KLHL17: variants seen among roughly 807,000 people sequenced by gnomAD.
The protein encoded by KLHL17 is kelch-like protein 17.
In KLHL17, 71 loss-of-function variants were observed where a neutral mutation model predicts 64.6. The observed-to-expected ratio is 1.10, with a 90% CI of 0.91 to 1.34. The LOEUF is 1.34. Ranked by LOEUF, KLHL17 falls within the 40% of genes most tolerant of loss-of-function variation. The probability of loss-of-function intolerance (pLI) is 0.00; values close to 1 mark genes in which losing one functional copy is unlikely to be tolerated. For synonymous variants in KLHL17, 612 were observed against 405.4 expected, an observed-to-expected ratio of 1.51 and a Z score of -6.12; for missense variants, 1,140 against 935.0, an observed-to-expected ratio of 1.22 and a Z score of -2.86.
intron 1 of KLHL17, 65 bp downstream of exon 1, chr1:960,865 T>G: frequency 1.1e-6 from 1 of 951,858 alleles, no homozygotes; most frequent in Non-Finnish European, 1.2e-6. Context: ...CGCCCTCGCG[T>G]CCGCTCGCAG....
Position 961,874 on chromosome 1 carries a change from G to T in KLHL17, c.538G>T (p.Ala180Ser). The change falls in exon 4 of 12, where the codon GCT becomes TCT. Residue 180 changes from alanine (A) to serine (S), a missense_variant. By Grantham distance (99) the Ala-to-Ser change is moderately conservative. Coordinates refer to ENST00000338591, the MANE Select transcript of KLHL17 (RefSeq NM_198317.3). The stretch of plus-strand genomic sequence containing the variant: ...CCTGCAGCTGAATGGCGTCCGAGAC[G>T]CTTGCTGCAAGTTTCTACTGAGTCA... ...SLLQLNGVRD[A>S]CCKFLLSQLD... 1.9e-6 allele frequency: 3 copies of T among 1,612,288 alleles called. No individual in the cohort carries two copies. The highest frequency in any genetic ancestry group is 2.5e-6 in the Non-Finnish European group (3 of 1,180,004).
At position 965,120 on chromosome 1, in the gene KLHL17, G is replaced by A. The variant is rs1485826914; in HGVS notation, c.1858G>A (p.Ala620Thr). The A allele has an allele frequency of 1.9e-6, 3 of 1,612,624 alleles. No individual in the cohort carries two copies. Among genetic ancestry groups the A allele is most frequent in the Non-Finnish European group, 2.5e-6 (3 of 1,179,870 alleles). Residue 620 changes from alanine to threonine, a missense_variant, in exon 12 of 12, where the codon GCG becomes ACG. Transcript: ENST00000338591. ...MFTRRSSVGVAVLELLNFPPP... is the reference protein window; with the variant it reads ...MFTRRSSVGVTVLELLNFPPP... ...CACCCGGCGCAGCAGTGTGGGTGTG[G>A]CGGTGCTGGAGCTGCTCAATTTCCC...
Position 963,318 on chromosome 1 carries a change from A to G in KLHL17, c.1188-19A>G. On this transcript the variant is annotated intron_variant, in intron 7 of 11. Coordinates refer to ENST00000338591, the MANE Select transcript of KLHL17 (RefSeq NM_198317.3). ...GCCCGCCAGGCCAGTCTTGACCTGC[A>G]GTGGCTTAATTCCGCTAGCTATGAT... 1.2e-6 allele frequency: 2 copies of G among 1,603,072 alleles called. No homozygotes were observed. Among genetic ancestry groups the G allele is most frequent in the Non-Finnish European group, 1.7e-6 (2 of 1,172,258 alleles).
chr1:961,570 C>A lies in KLHL17; in HGVS notation c.367+18C>A, dbSNP rs74045023. ...GTTCACAAGCAAGTACCCGCCTGGGCGGCGCTGGGGGCTCCGTGGGTCCCT... is the reference window on the plus strand; with the variant it reads ...GTTCACAAGCAAGTACCCGCCTGGGAGGCGCTGGGGGCTCCGTGGGTCCCT... On this transcript the variant is annotated intron_variant, in intron 2 of 11. Coordinates refer to ENST00000338591, the MANE Select transcript of KLHL17 (RefSeq NM_198317.3). 7,848 of 1,612,676 alleles carry A rather than the reference C, an allele frequency of 4.9e-3. 203 individuals carry two copies. In the African/African-American group the frequency reaches 0.07, roughly 14 times the overall value.
At position 963,928 on chromosome 1, in the gene KLHL17, G is replaced by A. The variant is rs376669827; in HGVS notation, c.1364G>A (p.Arg455His). 5.6e-6 allele frequency: 9 copies of A among 1,612,174 alleles called. No homozygotes were observed. Among genetic ancestry groups the A allele is most frequent in the East Asian group, 4.5e-5 (2 of 44,882 alleles). The part of the protein sequence containing the change: ...DGASCLNSAE[R>H]YDPLTGTWTS... ...GGTCCTGGTGCCCACAGTGCTGAAC[G>A]CTACGACCCCCTGACCGGAACGTGG... is the stretch of plus-strand genomic sequence containing the variant. The change falls in exon 9 of 12, where the codon CGC (arginine) becomes CAC (histidine). Residue 455 changes from arginine to histidine, a missense_variant. Physicochemically the swap from Arg to His is conservative, Grantham distance 29 (BLOSUM62 0). Coordinates refer to ENST00000338591, the MANE Select transcript of KLHL17 (RefSeq NM_198317.3).
rs756419152 is a variant in KLHL17 at position 961,489 on chromosome 1, G to A, written c.304G>A (p.Glu102Lys). The A allele has an allele frequency of 2.5e-6, 4 of 1,612,388 alleles. No individual in the cohort carries two copies. Among genetic ancestry groups the A allele is most frequent in the Non-Finnish European group, 3.4e-6 (4 of 1,179,940 alleles). ...CDIVLHVAAK[E>K]IRAHKVVLAS... The stretch of plus-strand genomic sequence containing the variant: ...CATCGTCCTGCACGTGGCTGCCAAG[G>A]AGATCCGTGCGCACAAAGTGGTGCT... The change falls in exon 2 of 12, where the codon GAG becomes AAG. Residue 102 changes from glutamate to lysine, a missense_variant. Coordinates refer to ENST00000338591, the MANE Select transcript of KLHL17 (RefSeq NM_198317.3).
intron 10 of KLHL17, 45 bp downstream of exon 10, chr1:964,225 G>A (rs764768593): frequency 6.2e-7 from 1 of 1,607,834 alleles, no homozygotes. Flanking sequence ...GTGCGCCGCG[G>A]GGCCCTCCTC....
rs1292921918 is a variant in KLHL17, at chr1:964,426, G to A, written c.1596G>A (p.Leu532=). Residue 532 remains leucine (L), a synonymous_variant, in exon 11 of 12, where the codon CTG becomes CTA. Transcript: ENST00000338591. ...SAGVAVLEGA[L]YVAGGNDGTS... ...GCGTGGCCGTGCTGGAGGGTGCCCT[G>A]TACGTGGCAGGGGGCAACGACGGCA... 3 of 1,550,946 alleles carry A rather than the reference G, an allele frequency of 1.9e-6. No individual in the cohort carries two copies. Among genetic ancestry groups the A allele is most frequent in the Non-Finnish European group, 2.6e-6 (3 of 1,148,678 alleles).
At chr1:963,605 G>A (rs1642758668) in intron 8 of KLHL17, 101 bp downstream of exon 8, 7 of 1,356,874 alleles carry the variant, frequency 5.2e-6, no homozygotes, top group Middle Eastern at 2.4e-4. Flanking sequence ...TGTTAAAGGA[G>A]GTGATCCGCG....
Position 961,815 on chromosome 1 carries a change from G to A in KLHL17, c.490-11G>A, listed in dbSNP as rs1484915627. 16 of 1,609,980 alleles carry A rather than the reference G, an allele frequency of 9.9e-6. No individual in the cohort carries two copies. The highest frequency in any genetic ancestry group is 2.7e-5 in the African/African-American group (2 of 74,912). On this transcript the variant is annotated splice_polypyrimidine_tract_variant and intron_variant, in intron 3 of 11. Coordinates refer to ENST00000338591, the MANE Select transcript of KLHL17 (RefSeq NM_198317.3). ...CTGTGCCTCCCTCACCTGCCTCTCG[G>A]TGCCCCGTAGACTCTGCTCCCAGCC... is the stretch of plus-strand genomic sequence containing the variant.
Position 965,135 on chromosome 1 carries a change from C to T in KLHL17, c.1873C>T (p.Leu625Phe). The T allele has an allele frequency of 6.2e-7, 1 of 1,612,600 alleles. No homozygotes were observed. Among genetic ancestry groups the T allele is most frequent in the Non-Finnish European group, 8.5e-7 (1 of 1,179,872 alleles). ...TGTGGGTGTGGCGGTGCTGGAGCTG[C>T]TCAATTTCCCGCCGCCATCCTCCCC... Reference protein sequence around the residue: ...SSVGVAVLELLNFPPPSSPTL... With the variant: ...SSVGVAVLELFNFPPPSSPTL... Residue 625 changes from leucine to phenylalanine, a missense_variant, in exon 12 of 12, where the codon CTC (leucine) becomes TTC (phenylalanine). By Grantham distance (22) the Leu-to-Phe change is conservative (BLOSUM62 0). Transcript: ENST00000338591.
At position 964,422 on chromosome 1, in the gene KLHL17, C is replaced by G; in HGVS notation, c.1592C>G (p.Ala531Gly). Residue 531 changes from alanine to glycine, a missense_variant, in exon 11 of 12, where the codon GCC (alanine) becomes GGC (glycine). Transcript: ENST00000338591. ...GCGGGCGTGGCCGTGCTGGAGGGTG[C>G]CCTGTACGTGGCAGGGGGCAACGAC... is the stretch of plus-strand genomic sequence containing the variant. ...SSAGVAVLEG[A>G]LYVAGGNDGT... 1 of 1,552,172 alleles carries G rather than the reference C, an allele frequency of 6.4e-7. No individual in the cohort carries two copies. The highest frequency in any genetic ancestry group is 8.7e-7 in the Non-Finnish European group (1 of 1,149,130).
Position 960,615 on chromosome 1 carries a change from G to A in KLHL17, c.-79G>A, listed in dbSNP as rs1569968432. ...GAGCGACACAGAGCGGGCCGCCACC[G>A]CCGAGCAGCCCTCCGGCAGTCTCCG... On this transcript the variant is annotated 5_prime_UTR_variant, in exon 1 of 12. Transcript: ENST00000338591. The A allele has an allele frequency of 1.4e-5, 17 of 1,197,110 alleles. No homozygotes were observed. The highest frequency in any genetic ancestry group is 4.3e-5 in the East Asian group (1 of 23,348). 74.2% of individuals were successfully genotyped at this position (1,197,110 alleles called of 1,614,324 possible). A position where few individuals can be genotyped will look rare whatever the true frequency, so the allele number is the denominator to read the frequency against.
Position 961,392 on chromosome 1 carries a change from C to G in KLHL17, c.207C>G (p.His69Gln). Residue 69 changes from histidine to glutamine, a missense_variant, in exon 2 of 12, where the codon CAC becomes CAG. Coordinates refer to ENST00000338591, the MANE Select transcript of KLHL17 (RefSeq NM_198317.3). ...GCCGCGAGGGCCACAGCGTGGCCCA[C>G]AACTCCAAGCGGCACTACCACGATG... ...LLSREGHSVA[H>Q]NSKRHYHDAF... 1 of 1,608,670 alleles carries G rather than the reference C, an allele frequency of 6.2e-7. No individual in the cohort carries two copies. The highest frequency in any genetic ancestry group is 8.5e-7 in the Non-Finnish European group (1 of 1,178,624).
At chr1:960,957 CCCGCGCCCCGCGCGCCCAG>C in intron 1 of KLHL17, 157 bp downstream of exon 1, 1 of 423,378 alleles carries the variant, frequency 2.4e-6, no homozygotes, top group Non-Finnish European at 3.2e-6. Context: ...AGGTTCCCCA[CCCGCGCCCCGCGCGCCCAG>C]GACGCGACTC....
chr1:960,656 C>T lies in KLHL17; in HGVS notation c.-38C>T. ...GCAGTCTCCGCGTCCGTTAAGCCCGCGGGTCCTCCGCGAATCGGCGGTGGG... is the reference window on the plus strand; with the variant it reads ...GCAGTCTCCGCGTCCGTTAAGCCCGTGGGTCCTCCGCGAATCGGCGGTGGG... On this transcript the variant is annotated 5_prime_UTR_variant, in exon 1 of 12. Transcript: ENST00000338591. The T allele has an allele frequency of 7.5e-7, 1 of 1,335,852 alleles. No individual in the cohort carries two copies. Among genetic ancestry groups the T allele is most frequent in the South Asian group, 1.5e-5 (1 of 65,654 alleles). 82.7% of individuals were successfully genotyped at this position (1,335,852 alleles called of 1,614,324 possible).
rs963429674 is a variant in KLHL17 at position 963,173 on chromosome 1, G to A, written c.1107G>A (p.Trp369Ter). The change falls in exon 7 of 12, where the codon TGG becomes TGA. Residue 369 changes from tryptophan (W) to a stop codon, truncating the protein, a stop_gained. Coordinates refer to ENST00000338591, the MANE Select transcript of KLHL17 (RefSeq NM_198317.3). LOFTEE classifies it high-confidence loss of function. ...CCTACGACACGCGCACCGACCGCTG[G>A]CACGTGGTGGCCTCCATGTCCACGC... ...CEAYDTRTDR[W>*]HVVASMSTRR... 1 of 1,610,172 alleles carries A rather than the reference G, an allele frequency of 6.2e-7. No homozygotes were observed. The highest frequency in any genetic ancestry group is 8.5e-7 in the Non-Finnish European group (1 of 1,178,166).
Position 965,158 on chromosome 1 carries a change from C to T in KLHL17, c.1896C>T (p.Ser632=), listed in dbSNP as rs1225655555. The change falls in exon 12 of 12, where the codon TCC becomes TCT. Residue 632 remains serine, a synonymous_variant. Transcript: ENST00000338591. The part of the protein sequence containing the change: ...LELLNFPPPS[S]PTLSVSSTSL ...TGCTCAATTTCCCGCCGCCATCCTC[C>T]CCGACGCTGTCCGTGTCCTCCACCA... is the stretch of plus-strand genomic sequence containing the variant. 1 of 1,612,592 alleles carries T rather than the reference C, an allele frequency of 6.2e-7. No individual in the cohort carries two copies. Among genetic ancestry groups the T allele is most frequent in the South Asian group, 1.1e-5 (1 of 91,076 alleles).
chr1:961,911 C>G lies in KLHL17; in HGVS notation c.575C>G (p.Ser192Cys), dbSNP rs773090910. 3.1e-6 allele frequency: 5 copies of G among 1,612,962 alleles called. No homozygotes were observed. In the South Asian group the frequency reaches 4.4e-5, roughly 14 times the overall value. ...CKFLLSQLDPSNCLGIRGFAD... is the reference protein window; with the variant it reads ...CKFLLSQLDPCNCLGIRGFAD... ...TTTCTACTGAGTCAGCTCGACCCCT[C>G]CAACTGCCTGGGTATCCGGGGCTTT... Residue 192 changes from serine to cysteine, a missense_variant, in exon 4 of 12, where the codon TCC (serine) becomes TGC (cysteine). Coordinates refer to ENST00000338591, the MANE Select transcript of KLHL17 (RefSeq NM_198317.3).
Sources: gnomAD v4.1 joint callset for allele counts on GRCh38, gnomAD v4.1.1 for gene constraint, MANE v1.5 for transcripts, NCBI Gene and HGNC (gene_info 2026-07-23, HGNC 2026-07-21) for gene names.